SYNPR: variants seen among roughly 807,000 people sequenced by gnomAD.
SYNPR encodes synaptoporin.
A neutral mutation model predicts 32.9 loss-of-function variants in SYNPR; 23 were observed. The ratio of observed to expected loss-of-function variants is 0.70; its 90% CI spans 0.50 to 0.99. SYNPR has a LOEUF of 0.99. Among genes scored for constraint, SYNPR ranks in the 50% least tolerant of loss-of-function variants. The probability of loss-of-function intolerance (pLI) is 0.00; values close to 1 mark genes in which losing one functional copy is unlikely to be tolerated. For missense variants in SYNPR, 318 were observed against 349.3 expected, an observed-to-expected ratio of 0.91 and a Z score of 0.71; for synonymous variants, 146 against 135.9, an observed-to-expected ratio of 1.07 and a Z score of -0.52.
intron 2 of SYNPR, among the ~76,000 whole-genome samples, chr3:63,424,473 T>C (rs1214106940): frequency 6.6e-6 from 1 of 152,192 alleles, no homozygotes. Flanking sequence ...TGGAGAATGA[T>C]TGAGACATTA....
At chr3:63,389,192 C>G (rs2088097550) in intron 2 of SYNPR, among the ~76,000 whole-genome samples, 1 of 152,100 alleles carries the variant, frequency 6.6e-6, no homozygotes, top group South Asian at 2.1e-4. Flanking sequence ...ACATGTACCC[C>G]AGAACTTAAA....
intron 4 of SYNPR, among the ~76,000 whole-genome samples, chr3:63,589,566 G>A (rs1344268597): frequency 6.6e-6 from 1 of 150,648 alleles, no homozygotes; most frequent in Non-Finnish European, 1.5e-5. Context: ...ATAAAATACT[G>A]GCAAACCGAA....
intron 2 of SYNPR, among the ~76,000 whole-genome samples, chr3:63,283,810 C>CTTTTTTTTTT (rs142282438): frequency 3.4e-5 from 3 of 87,136 alleles, no homozygotes; most frequent in African/African-American, 4.9e-5. Flanking sequence ...AGATAATTAC[C>CTTTTTTTTTT]TTTTTTTTTT....
Position 63,451,712 on chromosome 3 carries a change from A to G in SYNPR, c.85-29120A>G, listed in dbSNP as rs189957598. On this transcript the variant is annotated intron_variant, in intron 2 of 5. Transcript: ENST00000478300. ...AGCTCCTCAGGGGAATTGACAAGTC[A>G]TAATTTTCTCCCCAAGTACAGATGC... 4.2e-3 allele frequency among the ~76,000 whole-genome samples: 641 copies of G among 152,258 alleles called. 8 individuals carry two copies. Among genetic ancestry groups the G allele is most frequent in the Non-Finnish European group, 4.4e-3 (299 of 68,016 alleles).
At chr3:63,611,856 T>C (rs976534116) in intron 5 of SYNPR, among the ~76,000 whole-genome samples, 10 of 152,144 alleles carry the variant, frequency 6.6e-5, no homozygotes, top group Non-Finnish European at 1.0e-4. Flanking sequence ...CCCACCTCAG[T>C]CTCATCAGTT....
At chr3:63,437,884 A>G (rs1365707929) in intron 2 of SYNPR, among the ~76,000 whole-genome samples, 1 of 152,174 alleles carries the variant, frequency 6.6e-6, no homozygotes, top group Non-Finnish European at 1.5e-5. Flanking sequence ...GATGCCTCAA[A>G]GAAAGGGAGC....
intron 2 of SYNPR, among the ~76,000 whole-genome samples, chr3:63,432,804 T>C (rs2107147590): frequency 6.6e-6 from 1 of 152,322 alleles, no homozygotes; most frequent in Non-Finnish European, 1.5e-5. Flanking sequence ...GGAACTCACC[T>C]TGTGTGACAA....
At chr3:63,313,629 C>A (rs1674270904) in intron 2 of SYNPR, among the ~76,000 whole-genome samples, 1 of 140,188 alleles carries the variant, frequency 7.1e-6, no homozygotes, top group Non-Finnish European at 1.5e-5. Context: ...CATATACACA[C>A]ACAATGAAAT....
intron 2 of SYNPR, chr3:63,452,020 C>G (rs1177474286): frequency 2.9e-6 from 2 of 697,912 alleles, no homozygotes; most frequent in African/African-American, 3.5e-5. Context: ...TCCCCCAGAC[C>G]AGTTCCCTGA....
chr3:63,567,210 AT>A (rs1702805173), intron 4 of SYNPR, among the ~76,000 whole-genome samples: 1 of 152,072 alleles, frequency 6.6e-6, no homozygotes, highest in Admixed American at 6.6e-5. Context: ...CTCAGATCTC[AT>A]GGTTTAGGGA....
intron 2 of SYNPR, among the ~76,000 whole-genome samples, chr3:63,327,751 G>C (rs1340463598): frequency 6.6e-6 from 1 of 152,120 alleles, no homozygotes; most frequent in East Asian, 1.9e-4. Context: ...TGTGGTATTA[G>C]AAGTTAGGAC....
upstream of SYNPR, among the ~76,000 whole-genome samples, chr3:63,226,600 A>T (rs2086130127): frequency 6.6e-6 from 1 of 152,210 alleles, no homozygotes; most frequent in African/African-American, 2.4e-5. Context: ...CAAGCTGGGT[A>T]CAGAAAGACA....
chr3:63,366,040 C>A (rs1211006337), intron 2 of SYNPR, among the ~76,000 whole-genome samples: 1 of 152,188 alleles, frequency 6.6e-6, no homozygotes, highest in Non-Finnish European at 1.5e-5. Flanking sequence ...CTGTGCAATT[C>A]ATAAATATTT....
At chr3:63,477,879 G>A (rs1334968674) in intron 2 of SYNPR, among the ~76,000 whole-genome samples, 3 of 152,224 alleles carry the variant, frequency 2.0e-5, no homozygotes, top group Non-Finnish European at 4.4e-5. Context: ...GCGGCTTTGA[G>A]CCAAGTATGA....
chr3:63,361,831 T>C (rs1292814275), intron 2 of SYNPR, among the ~76,000 whole-genome samples: 1 of 151,746 alleles, frequency 6.6e-6, no homozygotes, highest in Non-Finnish European at 1.5e-5. Flanking sequence ...TATATATGCA[T>C]GAGTATACAC....
intron 2 of SYNPR, among the ~76,000 whole-genome samples, chr3:63,315,917 A>T (rs1406847335): frequency 2.0e-5 from 3 of 152,010 alleles, no homozygotes; most frequent in African/African-American, 4.8e-5. Context: ...TGTCCTTTGT[A>T]TGCCAATTTT....
intron 2 of SYNPR, among the ~76,000 whole-genome samples, chr3:63,337,768 T>G (rs1483161868): frequency 1.3e-5 from 2 of 152,194 alleles, no homozygotes; most frequent in African/African-American, 4.8e-5. Flanking sequence ...CTGAAAAGCC[T>G]GCATTCTGTA....
intron 2 of SYNPR, among the ~76,000 whole-genome samples, chr3:63,337,283 G>C (rs1575602476): frequency 8.1e-6 from 1 of 123,166 alleles, no homozygotes; most frequent in Non-Finnish European, 1.7e-5. Context: ...TGTCATTATA[G>C]AACTGCAAAT....
At chr3:63,548,975 C>G (rs1702457717) in intron 3 of SYNPR, among the ~76,000 whole-genome samples, 2 of 152,154 alleles carry the variant, frequency 1.3e-5, no homozygotes, top group South Asian at 4.1e-4. Flanking sequence ...TAGTGTGGTG[C>G]TACCTAAAGA....
Sources: gnomAD v4.1 joint callset for allele counts (sites outside exome capture counted in the v4.1 genomes callset) on GRCh38, gnomAD v4.1.1 for gene constraint, MANE v1.5 for transcripts, NCBI Gene and HGNC (gene_info 2026-07-23, HGNC 2026-07-21) for gene names.